Variants in MORC1 observed in about 807,000 individuals in gnomAD.
MORC1 encodes MORC family CW-type zinc finger 1, also known as MORC family CW-type zinc finger protein 1.
In MORC1, 59 loss-of-function variants were observed where a neutral mutation model predicts 134.9. That is an observed-to-expected ratio of 0.44 (90% CI 0.35 to 0.54). The LOEUF (loss-of-function observed/expected upper bound fraction) is 0.54. Among genes scored for constraint, MORC1 ranks in the 20% least tolerant of loss-of-function variants. The pLI, the probability that MORC1 is intolerant of heterozygous loss-of-function variation, is 0.00. For missense variants in MORC1, 947 were observed against 1,134.5 expected (o/e 0.83, Z 2.37); for synonymous variants, 395 against 391.7 (o/e 1.01, Z -0.10).
chr3:109,081,058 T>C (rs1576721259), intron 8 of MORC1, among the ~76,000 whole-genome samples: 1 of 152,054 alleles, frequency 6.6e-6, no homozygotes, highest in Non-Finnish European at 1.5e-5. Context: ...ACAATCAAGA[T>C]AGATTAAAAG....
Position 109,104,619 on chromosome 3 carries a change from G to A in MORC1, c.155-702C>T, listed in dbSNP as rs554834558. ...GGCAAGAGGATCACTTGAGGCCAGG[G>A]GTTCAAGACCAGCCTGCCCAAGGTA... On this transcript the variant is annotated intron_variant, in intron 3 of 27. Transcript: ENST00000232603. 1.1e-4 allele frequency among the ~76,000 whole-genome samples: 16 copies of A among 151,804 alleles called. No homozygotes were observed. The South Asian group carries it at 2.9e-3, about 28-fold the overall frequency.
chr3:109,008,383 C>T (rs752797998), intron 17 of MORC1, among the ~76,000 whole-genome samples: 4 of 151,808 alleles, frequency 2.6e-5, no homozygotes, highest in African/African-American at 9.7e-5. Flanking sequence ...CTAGTATATA[C>T]GATTATTCCA....
rs746551026 is a variant in MORC1 at position 109,114,425 on chromosome 3, A to G, written c.78T>C (p.Ser26=). The G allele has an allele frequency of 1.2e-6, 2 of 1,613,370 alleles. No homozygotes were observed. Among genetic ancestry groups the G allele is most frequent in the Middle Eastern group, 3.3e-4 (2 of 6,054 alleles). ...ATTCAGCCAGTGCTCCAAAAAGGAA[A>G]CTGTGAGTGGTGCTGATGAAGAAAT... ...DFIHANSTTH[S]FLFGALAELL... is the part of the protein sequence containing the mutation. Residue 26 remains serine, a synonymous_variant, in exon 2 of 28, where the codon AGT becomes AGC. Coordinates refer to ENST00000232603, the MANE Select transcript of MORC1 (RefSeq NM_014429.4).
At chr3:109,094,306 A>G (rs1270694026) in intron 7 of MORC1, among the ~76,000 whole-genome samples, 2 of 152,224 alleles carry the variant, frequency 1.3e-5, no homozygotes, top group Admixed American at 6.5e-5. Flanking sequence ...ACAACTAATT[A>G]TACTTTTTGG....
intron 14 of MORC1, among the ~76,000 whole-genome samples, chr3:109,052,682 G>A (rs1949856307): frequency 6.6e-6 from 1 of 152,100 alleles, no homozygotes; most frequent in South Asian, 2.1e-4. Flanking sequence ...TTCAAGTGAA[G>A]ATTTTAAGTT....
At chr3:108,988,941 T>C (rs540400320) in intron 21 of MORC1, among the ~76,000 whole-genome samples, 64 of 152,336 alleles carry the variant, frequency 4.2e-4, no homozygotes, top group Non-Finnish European at 5.4e-4. Context: ...TGTACAAAGC[T>C]CTGCCATCTC....
chr3:109,082,454 A>T (rs2107736348), intron 8 of MORC1, among the ~76,000 whole-genome samples: 1 of 152,252 alleles, frequency 6.6e-6, no homozygotes, highest in East Asian at 1.9e-4. Flanking sequence ...TCAGTGACTG[A>T]CCCTAGTGAA....
intron 17 of MORC1, among the ~76,000 whole-genome samples, chr3:109,022,359 A>C (rs2107583455): frequency 6.6e-6 from 1 of 152,366 alleles, no homozygotes; most frequent in Non-Finnish European, 1.5e-5. Context: ...TACGCCATTC[A>C]ATCTGAAAAA....
chr3:109,019,535 G>A (rs911346153), intron 17 of MORC1, among the ~76,000 whole-genome samples: 1 of 152,086 alleles, frequency 6.6e-6, no homozygotes, highest in Non-Finnish European at 1.5e-5. Context: ...CATTGTTTAC[G>A]TCACGTTGGC....
At chr3:109,028,981 T>C (rs1319548819) in intron 16 of MORC1, among the ~76,000 whole-genome samples, 1 of 152,014 alleles carries the variant, frequency 6.6e-6, no homozygotes, top group African/African-American at 2.4e-5. Context: ...AGAAAATACA[T>C]GGGTGTTAGG....
intron 25 of MORC1, 30 bp downstream of exon 25, chr3:108,971,300 C>T: frequency 6.3e-7 from 1 of 1,587,264 alleles, no homozygotes; most frequent in Non-Finnish European, 8.6e-7. Flanking sequence ...TTCTATCATT[C>T]CCTCACAGTT....
At chr3:109,092,715 A>T (rs185208731) in intron 8 of MORC1, among the ~76,000 whole-genome samples, 2 of 152,318 alleles carry the variant, frequency 1.3e-5, no homozygotes, top group African/African-American at 4.8e-5. Flanking sequence ...AGAAAATTTA[A>T]GATTAAATAT....
At chr3:109,052,353 T>C (rs750921942) in intron 14 of MORC1, among the ~76,000 whole-genome samples, 34 of 152,142 alleles carry the variant, frequency 2.2e-4, no homozygotes, top group Non-Finnish European at 4.1e-4. Flanking sequence ...GCTTCTCAAA[T>C]TTGATTGTGA....
intron 21 of MORC1, among the ~76,000 whole-genome samples, chr3:108,996,286 G>GCGCACACACACA: frequency 2.0e-5 from 3 of 146,380 alleles, no homozygotes; most frequent in Non-Finnish European, 3.0e-5. Flanking sequence ...GCGCGCGCGC[G>GCGCACACACACA]CACACACACA....
At chr3:109,020,356 A>G (rs6765616) in intron 17 of MORC1, among the ~76,000 whole-genome samples, 38,213 of 152,136 alleles carry the variant, frequency 0.25, 5,014 homozygotes, top group Middle Eastern at 0.43. Context: ...TCAGGACTCA[A>G]TGCAAATCCC....
At chr3:109,101,192 T>G (rs1206511935) in intron 4 of MORC1, among the ~76,000 whole-genome samples, 2 of 152,214 alleles carry the variant, frequency 1.3e-5, no homozygotes, top group African/African-American at 4.8e-5. Context: ...AACACAAAAC[T>G]TGGCACTTGG....
Position 108,988,919 on chromosome 3 carries a change from A to C in MORC1, c.2188-1970T>G, listed in dbSNP as rs933935698. Reference sequence around the variant, plus strand: ...AGGATCAGATATGCCTTCTTTCCCCAAAAATGTTACTTGTACAAAGCTCTG... The same window carrying C: ...AGGATCAGATATGCCTTCTTTCCCCCAAAATGTTACTTGTACAAAGCTCTG... On this transcript the variant is annotated intron_variant, in intron 21 of 27. Coordinates refer to ENST00000232603, the MANE Select transcript of MORC1 (RefSeq NM_014429.4). 1.3e-5 allele frequency among the ~76,000 whole-genome samples: 2 copies of C among 152,172 alleles called. 1 individual carries two copies. The highest frequency in any genetic ancestry group is 2.9e-5 in the Non-Finnish European group (2 of 68,026).
intron 27 of MORC1, 146 bp downstream of exon 27, chr3:108,963,268 G>T (rs1947130292): frequency 1.9e-5 from 11 of 582,476 alleles, no homozygotes; most frequent in East Asian, 3.2e-5. Flanking sequence ...ATTTATTTAT[G>T]ATTTCAAAAT....
In MORC1 at chr3:109,103,865, T is replaced by C; in HGVS notation, c.207A>G (p.Gly69=). The part of the protein sequence containing the change: ...GGFMLCFLDD[G]CGMSPEEASD... ...TTAACTTACCAGGGCTCATGCCACATCCATCATCCAGGAAACACAACATGA... is the reference window on the plus strand; with the variant it reads ...TTAACTTACCAGGGCTCATGCCACACCCATCATCCAGGAAACACAACATGA... The change falls in exon 4 of 28, where the codon GGA becomes GGG. Residue 69 remains glycine (G), a synonymous_variant. Coordinates refer to ENST00000232603, the MANE Select transcript of MORC1 (RefSeq NM_014429.4). 1 of 1,613,918 alleles carries C rather than the reference T, an allele frequency of 6.2e-7. No homozygotes were observed. The highest frequency in any genetic ancestry group is 8.5e-7 in the Non-Finnish European group (1 of 1,179,792).
Sources: allele counts gnomAD v4.1 joint callset (sites outside exome capture counted in the v4.1 genomes callset), GRCh38; gene constraint gnomAD v4.1.1; transcripts MANE v1.5; gene names NCBI Gene and HGNC (gene_info 2026-07-23, HGNC 2026-07-21).